The following CADPS2 variants were observed in gnomAD, a reference collection of about 807,000 sequenced individuals.
CADPS2 encodes calcium dependent secretion activator 2.
Under a neutral mutation model 172.5 loss-of-function variants are expected in CADPS2, and 93 were observed. The observed-to-expected ratio is 0.54, with a 90% CI of 0.46 to 0.64. The LOEUF (loss-of-function observed/expected upper bound fraction) is 0.64. Ranked by LOEUF, CADPS2 falls within the 30% of genes least tolerant of loss-of-function variation. The probability of loss-of-function intolerance (pLI) is 0.00; values close to 1 mark genes in which losing one functional copy is unlikely to be tolerated. For missense variants in CADPS2, 1,420 were observed against 1,565.9 expected (o/e 0.91, Z 1.57); for synonymous variants, 546 against 555.2 (o/e 0.98, Z 0.23).
At position 122,329,417 on chromosome 7, in the gene CADPS2, C is replaced by T. The variant is rs2034526634; in HGVS notation, c.3613-3836G>A. Among the ~76,000 whole-genome samples, 3 of 152,140 alleles carry T rather than the reference C, an allele frequency of 2.0e-5. No individual in the cohort carries two copies. The South Asian group carries it at 6.2e-4, about 32-fold the overall frequency. ...GGGCTCTGCTCTTGGGGCCGGGGAG[C>T]ACTAACAATAGAACAAGCATGAGCT... On this transcript the variant is annotated intron_variant, in intron 28 of 29. Coordinates refer to ENST00000449022, the MANE Select transcript of CADPS2 (RefSeq NM_017954.11).
intron 1 of CADPS2, among the ~76,000 whole-genome samples, chr7:122,803,003 T>C (rs1392833461): frequency 2.0e-5 from 3 of 152,202 alleles, no homozygotes; most frequent in Admixed American, 2.0e-4. Context: ...TATTTTCACA[T>C]TTTCTAAAAA....
chr7:122,874,495 G>A (rs1025259808), intron 1 of CADPS2, among the ~76,000 whole-genome samples: 3 of 152,154 alleles, frequency 2.0e-5, no homozygotes, highest in Non-Finnish European at 2.9e-5. Context: ...TCTCCATCAA[G>A]CTACCATTGA....
At chr7:122,424,637 A>C (rs142092292) in intron 17 of CADPS2, among the ~76,000 whole-genome samples, 251 of 152,336 alleles carry the variant, frequency 1.6e-3, no homozygotes, top group Non-Finnish European at 3.1e-3. Context: ...CCACAAGCAA[A>C]AATTAGTATT....
intron 1 of CADPS2, among the ~76,000 whole-genome samples, chr7:122,760,976 A>G (rs752544194): frequency 9.9e-5 from 15 of 152,232 alleles, no homozygotes; most frequent in South Asian, 2.1e-4. Context: ...AATAAAAAAA[A>G]GAAAACCTCA....
intron 1 of CADPS2, among the ~76,000 whole-genome samples, chr7:122,745,123 CTG>C (rs144006271): frequency 2.7e-5 from 4 of 150,414 alleles, no homozygotes; most frequent in Non-Finnish European, 4.5e-5. Context: ...CCTTTTGTGT[CTG>C]TGTGTGTGTG....
chr7:122,368,043 C>T (rs543874813), intron 25 of CADPS2: 3 of 152,340 alleles, frequency 2.0e-5, no homozygotes, highest in African/African-American at 7.2e-5. Flanking sequence ...TTACATTGGG[C>T]TCACCTGAAT....
chr7:122,530,391 AAAGT>A (rs1341642784), intron 8 of CADPS2, among the ~76,000 whole-genome samples: 9 of 151,982 alleles, frequency 5.9e-5, no homozygotes, highest in East Asian at 3.9e-4. Context: ...CAAATTTTAA[AAAGT>A]GAGTAAAATG....
chr7:122,646,231 T>C (rs2078537847), intron 3 of CADPS2, among the ~76,000 whole-genome samples: 1 of 152,122 alleles, frequency 6.6e-6, no homozygotes, highest in Non-Finnish European at 1.5e-5. Flanking sequence ...ATTTACTATA[T>C]GTAAGTGCCC....
chr7:122,738,402 CTT>C (rs796440172), intron 1 of CADPS2, among the ~76,000 whole-genome samples: 15 of 143,280 alleles, frequency 1.0e-4, no homozygotes, highest in African/African-American at 1.5e-4. Context: ...AATGCAGAAG[CTT>C]TTTTTTTTTT....
At chr7:122,657,403 A>G (rs2079940833) in intron 3 of CADPS2, among the ~76,000 whole-genome samples, 1 of 152,162 alleles carries the variant, frequency 6.6e-6, no homozygotes, top group African/African-American at 2.4e-5. Context: ...CTTGGGCATT[A>G]TGGCCATTTT....
intron 1 of CADPS2, among the ~76,000 whole-genome samples, chr7:122,806,975 T>C (rs2140084299): frequency 6.6e-6 from 1 of 152,334 alleles, no homozygotes; most frequent in East Asian, 1.9e-4. Context: ...AGCTGAACAC[T>C]AGAAGTAAGC....
At chr7:122,626,258 G>A (rs184448840) in intron 4 of CADPS2, among the ~76,000 whole-genome samples, 2 of 152,244 alleles carry the variant, frequency 1.3e-5, no homozygotes, top group Admixed American at 6.5e-5. Flanking sequence ...ATGAGGACAG[G>A]GGTAGAATCC....
intron 6 of CADPS2, among the ~76,000 whole-genome samples, chr7:122,595,479 T>C (rs888556265): frequency 3.3e-5 from 5 of 152,202 alleles, no homozygotes; most frequent in Admixed American, 1.3e-4. Context: ...CAAAGTACTA[T>C]AATGTCAGTA....
In CADPS2 at chr7:122,406,648, G is replaced by C. The variant is rs985400023; in HGVS notation, c.2746+892C>G. Among the ~76,000 whole-genome samples, 3 of 152,318 alleles carry C rather than the reference G, an allele frequency of 2.0e-5. No individual in the cohort carries two copies. In the East Asian group the frequency reaches 5.8e-4, roughly 29 times the overall value. Reference sequence around the variant, plus strand: ...GGCACGAAAACCCTATCGTGAGACAGAGTTGTTTTATATAGGAATAAAGAG... The same window carrying C: ...GGCACGAAAACCCTATCGTGAGACACAGTTGTTTTATATAGGAATAAAGAG... On this transcript the variant is annotated intron_variant, in intron 20 of 29. Transcript: ENST00000449022.
At chr7:122,340,031 A>C (rs948005063) in intron 28 of CADPS2, among the ~76,000 whole-genome samples, 2 of 152,218 alleles carry the variant, frequency 1.3e-5, no homozygotes, top group African/African-American at 4.8e-5. Context: ...ATCTTACATT[A>C]ATAGTCTACT....
rs569391283 is a variant in CADPS2, at chr7:122,642,715, C to G, written c.787-13387G>C. Among the ~76,000 whole-genome samples, 4 of 152,248 alleles carry G rather than the reference C, an allele frequency of 2.6e-5. No homozygotes were observed. The East Asian group carries it at 7.7e-4, about 29-fold the overall frequency. On this transcript the variant is annotated intron_variant, in intron 3 of 29. Coordinates refer to ENST00000449022, the MANE Select transcript of CADPS2 (RefSeq NM_017954.11). Reference sequence around the variant, plus strand: ...AGCATCATTGCCCTCTCTAATATATCTGTTCTCTAGAACCAAGATAAATGT... The same window carrying G: ...AGCATCATTGCCCTCTCTAATATATGTGTTCTCTAGAACCAAGATAAATGT...
At chr7:122,544,422 C>A (rs1426907638) in intron 8 of CADPS2, among the ~76,000 whole-genome samples, 1 of 152,102 alleles carries the variant, frequency 6.6e-6, no homozygotes, top group East Asian at 1.9e-4. Context: ...GCCCTAAAAC[C>A]TCGTGACTTA....
intron 17 of CADPS2, among the ~76,000 whole-genome samples, chr7:122,431,617 G>A (rs2049920987): frequency 6.6e-6 from 1 of 152,150 alleles, no homozygotes; most frequent in African/African-American, 2.4e-5. Context: ...CCACTTACTA[G>A]CTATGGGACT....
intron 2 of CADPS2, among the ~76,000 whole-genome samples, chr7:122,734,383 A>AAAAAAATAAAAAAAAAAAAAAAAAT (rs2091970037): frequency 1.1e-5 from 1 of 92,538 alleles, no homozygotes; most frequent in South Asian, 2.8e-4. Context: ...AAAAAAAAAA[A>AAAAAAATAAAAAAAAAAAAAAAAAT]AAAGAAAAAA....
Sources: allele counts gnomAD v4.1 joint callset (sites outside exome capture counted in the v4.1 genomes callset), GRCh38; gene constraint gnomAD v4.1.1; transcripts MANE v1.5; gene names NCBI Gene and HGNC (gene_info 2026-07-23, HGNC 2026-07-21).